FBN2: variants seen among roughly 807,000 people sequenced by gnomAD.
The protein encoded by FBN2 is fibrillin-2.
FBN2 carries 105 observed loss-of-function variants against 355.6 expected under a neutral mutation model. That is an observed-to-expected ratio of 0.30 (90% confidence interval 0.25 to 0.35). The LOEUF (loss-of-function observed/expected upper bound fraction) is 0.35. FBN2 is among the 10% of genes least tolerant of loss of function. The pLI is 1.00. For synonymous variants in FBN2, 1,350 were observed against 1,301.2 expected (o/e 1.04, Z -0.81); for missense variants, 3,280 against 3,758.7 (o/e 0.87, Z 3.33).
intron 19 of FBN2, among the ~76,000 whole-genome samples, chr5:128,359,052 T>G (rs567742028): frequency 3.9e-4 from 59 of 152,058 alleles, no homozygotes; most frequent in Non-Finnish European, 7.2e-4. Flanking sequence ...GTTATGTCAC[T>G]GGAAACACAA....
At chr5:128,388,027 A>AGTGTTGGG (rs1297740759) in intron 11 of FBN2, among the ~76,000 whole-genome samples, 4 of 152,308 alleles carry the variant, frequency 2.6e-5, no homozygotes, top group Non-Finnish European at 5.9e-5. Context: ...TGGATGCTCC[A>AGTGTTGGG]GTGTTGGGTG....
chr5:128,346,964 A>G (rs552312665), intron 23 of FBN2, among the ~76,000 whole-genome samples: 2 of 152,370 alleles, frequency 1.3e-5, no homozygotes, highest in East Asian at 3.9e-4. Flanking sequence ...AAAAAGCCAC[A>G]TGCTTTGCCA....
Position 128,377,812 on chromosome 5 carries a change from T to G in FBN2, c.1789A>C (p.Ser597Arg), listed in dbSNP as rs1033872078. The G allele has an allele frequency of 1.2e-6, 2 of 1,613,624 alleles. No individual in the cohort carries two copies. The highest frequency in any genetic ancestry group is 1.7e-5 in the Admixed American group (1 of 59,982). ...KNGRCVNTDG[S>R]FQCICNAGFE... is the part of the protein sequence containing the mutation. ...CCGGCATTGCAAATGCACTGGAAAC[T>G]TCCATCTGTGTTCACGCATCGACCG... The change falls in exon 13 of 65, where the codon AGT becomes CGT. Residue 597 changes from serine to arginine, a missense_variant. Physicochemically the swap from Ser to Arg is moderately radical, Grantham distance 110. Transcript: ENST00000262464.
At chr5:128,416,512 AT>A (rs1434893855) in intron 7 of FBN2, among the ~76,000 whole-genome samples, 8 of 152,286 alleles carry the variant, frequency 5.3e-5, no homozygotes, top group African/African-American at 1.7e-4. Flanking sequence ...TGTTTCCCAT[AT>A]GCCTTCTTCT....
chr5:128,522,330 T>C (rs900468591), intron 4 of FBN2, among the ~76,000 whole-genome samples: 2 of 152,142 alleles, frequency 1.3e-5, no homozygotes, highest in Non-Finnish European at 2.9e-5. Context: ...TTTTTTCAAG[T>C]ACTTCGCAAG....
intron 5 of FBN2, among the ~76,000 whole-genome samples, chr5:128,512,437 G>A (rs535432407): frequency 1.3e-5 from 2 of 150,828 alleles, no homozygotes; most frequent in South Asian, 2.1e-4. Context: ...AGCTTGAACC[G>A]GGGAGGCGGA....
intron 4 of FBN2, among the ~76,000 whole-genome samples, chr5:128,520,241 G>A (rs1036370688): frequency 2.0e-5 from 3 of 152,040 alleles, no homozygotes; most frequent in African/African-American, 4.8e-5. Context: ...ACTGCAACTC[G>A]GTTCAGCCTA....
At chr5:128,273,037 G>A (rs553288375) in intron 61 of FBN2, among the ~76,000 whole-genome samples, 2 of 152,220 alleles carry the variant, frequency 1.3e-5, no homozygotes, top group African/African-American at 4.8e-5. Flanking sequence ...TATATTTCTA[G>A]AAATCCAAAT....
At chr5:128,469,530 C>A (rs1224317795) in intron 5 of FBN2, among the ~76,000 whole-genome samples, 951 of 125,418 alleles carry the variant, frequency 7.6e-3, no homozygotes, top group Non-Finnish European at 8.9e-3. Flanking sequence ...GACTCCGTCT[C>A]AAAAAAAAAA....
At chr5:128,476,399 CAAAAT>C (rs1755006383) in intron 5 of FBN2, among the ~76,000 whole-genome samples, 1 of 151,542 alleles carries the variant, frequency 6.6e-6, no homozygotes, top group Non-Finnish European at 1.5e-5. Flanking sequence ...TTAAAACCAT[CAAAAT>C]AAAATGAGTA....
intron 36 of FBN2, 149 bp downstream of exon 36, chr5:128,318,000 T>A (rs1750256789): frequency 1.2e-6 from 1 of 801,816 alleles, no homozygotes; most frequent in East Asian, 2.7e-5. Flanking sequence ...GTGGAGCAGA[T>A]GATTTGGAAG....
intron 6 of FBN2, among the ~76,000 whole-genome samples, chr5:128,464,050 C>T (rs75682252): frequency 0.015 from 2,213 of 152,230 alleles, 57 homozygotes; most frequent in African/African-American, 0.05. Flanking sequence ...AGAATTGCGG[C>T]AGCTGAAAAT....
chr5:128,442,408 G>A (rs1160581897), intron 7 of FBN2: 1 of 455,196 alleles, frequency 2.2e-6, no homozygotes, highest in Non-Finnish European at 4.4e-6. Context: ...TTGTACAAAA[G>A]AAAAACGCTG....
At chr5:128,303,235 A>T (rs570265954) in intron 45 of FBN2, 146 bp from the exon 46 acceptor site, 1 of 651,660 alleles carries the variant, frequency 1.5e-6, no homozygotes, top group Admixed American at 2.7e-5. Flanking sequence ...AAAATGAGTA[A>T]GAGATACGGA....
intron 5 of FBN2, among the ~76,000 whole-genome samples, chr5:128,505,342 C>T (rs1381177948): frequency 2.6e-5 from 4 of 152,154 alleles, no homozygotes; most frequent in Non-Finnish European, 4.4e-5. Context: ...AAGCATCCCT[C>T]ACTGTGTTTC....
chr5:128,361,677 C>T, intron 19 of FBN2, 46 bp downstream of exon 19: 1 of 1,608,088 alleles, frequency 6.2e-7, no homozygotes, highest in Non-Finnish European at 8.5e-7. Flanking sequence ...TTATACAACT[C>T]CAGGTACTCA....
chr5:128,278,153 G>A, intron 57 of FBN2, 148 bp from the exon 58 acceptor site: 1 of 790,304 alleles, frequency 1.3e-6, no homozygotes, highest in Non-Finnish European at 2.1e-6. Flanking sequence ...CATCATTCAG[G>A]TGAACAGCAA....
chr5:128,412,093 C>T (rs962622866), intron 7 of FBN2, among the ~76,000 whole-genome samples: 4 of 150,914 alleles, frequency 2.7e-5, no homozygotes, highest in African/African-American at 9.8e-5. Context: ...ACCCATCTCT[C>T]CTTGATCTTT....
At chr5:128,342,286 G>A (rs771107617) in intron 25 of FBN2, among the ~76,000 whole-genome samples, 6 of 151,962 alleles carry the variant, frequency 3.9e-5, no homozygotes, top group African/African-American at 9.7e-5. Flanking sequence ...GATCAAGACC[G>A]GAAAATACCA....
Sources: gnomAD v4.1 joint callset for allele counts (sites outside exome capture counted in the v4.1 genomes callset) on GRCh38, gnomAD v4.1.1 for gene constraint, MANE v1.5 for transcripts, NCBI Gene and HGNC (gene_info 2026-07-23, HGNC 2026-07-21) for gene names.